The following POTEJ variants were observed in gnomAD, a reference collection of about 807,000 sequenced individuals.
POTEJ encodes the protein POTE ankyrin domain family, member J.
A neutral mutation model predicts 69.0 loss-of-function variants in POTEJ; 11 were observed. The observed-to-expected ratio is 0.16, with a 90% CI of 0.10 to 0.26. POTEJ has a LOEUF of 0.26. Ranked by LOEUF, POTEJ falls within the 10% of genes least tolerant of loss-of-function variation. The pLI is 1.00. For missense variants in POTEJ, 327 were observed against 1,045.5 expected, an observed-to-expected ratio of 0.31 and a Z score of 9.48; for synonymous variants, 117 against 381.1, an observed-to-expected ratio of 0.31 and a Z score of 8.07.
At chr2:130,649,601 C>T (rs1235135412) in intron 13 of POTEJ, among the ~76,000 whole-genome samples, 1 of 152,184 alleles carries the variant, frequency 6.6e-6, no homozygotes, top group South Asian at 2.1e-4. Context: ...TTCCTCTGCC[C>T]CAGCCCTTCT....
At chr2:130,622,939 A>G (rs1463652513) in intron 5 of POTEJ, 3 of 144,168 alleles carry the variant, frequency 2.1e-5, no homozygotes, top group African/African-American at 8.3e-5. Context: ...AGCATTCCAT[A>G]TTTTGTGCAG....
In POTEJ at chr2:130,657,419, G is replaced by A. The variant is rs776725174; in HGVS notation, c.2659G>A (p.Glu887Lys). Reference sequence around the variant, plus strand: ...GCTGTGCTATGTTGCCCTGGACTTCGAGCAGGAGATGGCCATGGTGGCCTC... The same window carrying A: ...GCTGTGCTATGTTGCCCTGGACTTCAAGCAGGAGATGGCCATGGTGGCCTC... Reference protein sequence around the residue: ...EKLCYVALDFEQEMAMVASSS... With the variant: ...EKLCYVALDFKQEMAMVASSS... Residue 887 changes from glutamate to lysine, a missense_variant, in exon 15 of 15, where the codon GAG (glutamate) becomes AAG (lysine). Transcript: ENST00000409602. 83 of 1,599,422 alleles carry A rather than the reference G, an allele frequency of 5.2e-5. 3 individuals carry two copies. The highest frequency in any genetic ancestry group is 4.1e-4 in the African/African-American group (29 of 70,446).
intron 1 of POTEJ, among the ~76,000 whole-genome samples, chr2:130,614,296 G>A (rs1397203175): frequency 5.4e-4 from 82 of 151,820 alleles, no homozygotes; most frequent in Non-Finnish European, 1.1e-3. Flanking sequence ...CACTTTAGTG[G>A]TAAGAACTAC....
intron 14 of POTEJ, among the ~76,000 whole-genome samples, chr2:130,656,132 T>C (rs1686977811): frequency 6.9e-6 from 1 of 145,540 alleles, no homozygotes; most frequent in South Asian, 2.2e-4. Context: ...GATGGTGTGG[T>C]TGATAGGTTA....
At chr2:130,649,395 C>A (rs1260151474) in intron 13 of POTEJ, among the ~76,000 whole-genome samples, 1 of 152,248 alleles carries the variant, frequency 6.6e-6, no homozygotes, top group East Asian at 1.9e-4. Context: ...CACATCTAAT[C>A]TCTCAGTAAA....
intron 9 of POTEJ, among the ~76,000 whole-genome samples, chr2:130,636,896 G>A (rs1479131142): frequency 1.4e-5 from 2 of 147,114 alleles, no homozygotes; most frequent in African/African-American, 2.5e-5. Context: ...ATCGAGACCA[G>A]TGAAACCCCA....
intron 10 of POTEJ, among the ~76,000 whole-genome samples, chr2:130,642,187 G>T (rs1453138630): frequency 6.9e-6 from 1 of 144,214 alleles, no homozygotes; most frequent in Admixed American, 7.1e-5. Context: ...ATAATGAAAA[G>T]AAGTAAGAGA....
At chr2:130,628,472 A>T (rs201660287) in intron 6 of POTEJ, among the ~76,000 whole-genome samples, 10,314 of 40,536 alleles carry the variant, frequency 0.25, 7 homozygotes, top group Middle Eastern at 0.28. Flanking sequence ...TTTAAACCCT[A>T]ATGCCTAGCA....
chr2:130,638,941 A>G (rs563714070), intron 10 of POTEJ, among the ~76,000 whole-genome samples: 686 of 151,886 alleles, frequency 4.5e-3, no homozygotes, highest in Non-Finnish European at 7.0e-3. Flanking sequence ...CTGCAACTAG[A>G]TGGTCCCTTC....
intron 1 of POTEJ, among the ~76,000 whole-genome samples, chr2:130,613,009 T>C (rs1346072410): frequency 1.0e-4 from 14 of 135,630 alleles, no homozygotes; most frequent in Non-Finnish European, 1.4e-4. Flanking sequence ...TAGAACAGAA[T>C]AGGAAATTTA....
At chr2:130,645,227 T>C (rs1267974245) in intron 11 of POTEJ, among the ~76,000 whole-genome samples, 5 of 9,920 alleles carry the variant, frequency 5.0e-4, no homozygotes, top group African/African-American at 1.3e-3. Flanking sequence ...TTCTGTTTGG[T>C]GTTGATTTCG....
chr2:130,643,439 A>G (rs1269888776), intron 10 of POTEJ, among the ~76,000 whole-genome samples: 1 of 136,710 alleles, frequency 7.3e-6, no homozygotes, highest in East Asian at 2.0e-4. Context: ...GAATCACTTG[A>G]ACCAGGGAGG....
intron 13 of POTEJ, among the ~76,000 whole-genome samples, chr2:130,647,218 AC>A (rs1372646286): frequency 2.3e-3 from 352 of 151,054 alleles, no homozygotes; most frequent in African/African-American, 7.9e-3. Flanking sequence ...GTTTGATGAC[AC>A]ATCTTAAGAG....
At chr2:130,626,830 GT>G (rs1423527847) in intron 6 of POTEJ, among the ~76,000 whole-genome samples, 2 of 152,104 alleles carry the variant, frequency 1.3e-5, no homozygotes, top group Admixed American at 6.5e-5. Flanking sequence ...GTTGGCCTTT[GT>G]TTTTTTGGTG....
chr2:130,624,542 T>G (rs1440976322), intron 6 of POTEJ, among the ~76,000 whole-genome samples: 6 of 151,972 alleles, frequency 3.9e-5, no homozygotes, highest in African/African-American at 1.5e-4. Context: ...GGAGGCAGAG[T>G]ACAGGCGGTA....
At chr2:130,637,819 T>G (rs1271824808) in intron 9 of POTEJ, among the ~76,000 whole-genome samples, 1 of 151,478 alleles carries the variant, frequency 6.6e-6, no homozygotes, top group Non-Finnish European at 1.5e-5. Flanking sequence ...AACAAACATC[T>G]GGCTGAGAGT....
At chr2:130,637,186 T>G (rs1467909907) in intron 9 of POTEJ, among the ~76,000 whole-genome samples, 1 of 150,374 alleles carries the variant, frequency 6.7e-6, no homozygotes, top group Non-Finnish European at 1.5e-5. Context: ...CTACATTGTT[T>G]ATATTAATTT....
intron 13 of POTEJ, among the ~76,000 whole-genome samples, chr2:130,651,185 AT>A (rs1490343644): frequency 1.5e-5 from 2 of 135,640 alleles, no homozygotes; most frequent in African/African-American, 5.5e-5. Context: ...GACAGTTGGA[AT>A]TTTTTGCTTC....
intron 9 of POTEJ, among the ~76,000 whole-genome samples, chr2:130,638,106 C>T (rs563533118): frequency 0.06 from 8,864 of 148,018 alleles, 261 homozygotes; most frequent in African/African-American, 0.21. Flanking sequence ...GAACAAAATT[C>T]GCACTGGGTT....
Sources: gnomAD v4.1 joint callset for allele counts (sites outside exome capture counted in the v4.1 genomes callset) on GRCh38, gnomAD v4.1.1 for gene constraint, MANE v1.5 for transcripts, NCBI Gene and HGNC (gene_info 2026-07-23, HGNC 2026-07-21) for gene names.